The following NTM variants were observed in gnomAD, a reference collection of about 807,000 sequenced individuals.
The protein encoded by NTM is neurotrimin.
In NTM, 13 loss-of-function variants were observed where a neutral mutation model predicts 42.1. The ratio of observed to expected loss-of-function variants is 0.31; its 90% CI spans 0.20 to 0.49. The LOEUF is 0.49. Among genes scored for constraint, NTM ranks in the 20% least tolerant of loss-of-function variants. NTM has a pLI of 0.99. For synonymous variants in NTM, 187 were observed against 179.2 expected (o/e 1.04, Z -0.35); for missense variants, 373 against 452.8 (o/e 0.82, Z 1.60).
Position 132,321,553 on chromosome 11 carries a change from T to A in NTM, c.934+6850T>A, listed in dbSNP as rs551939403. ...TGAAAAGACCAAATCTACCTCTGAT[T>A]GGTGTACCTGAAAGTGATGGGAAGA... On this transcript the variant is annotated intron_variant, in intron 7 of 8. Coordinates refer to ENST00000683400, the MANE Select transcript of NTM (RefSeq NM_001352005.2). 9.2e-5 allele frequency among the ~76,000 whole-genome samples: 14 copies of A among 152,340 alleles called. No individual in the cohort carries two copies. The South Asian group carries it at 2.9e-3, about 32-fold the overall frequency.
intron 4 of NTM, among the ~76,000 whole-genome samples, chr11:132,280,738 G>A (rs753740447): frequency 1.3e-4 from 20 of 151,950 alleles, no homozygotes; most frequent in Non-Finnish European, 2.5e-4. Flanking sequence ...TGCCCACCTC[G>A]GCCTCCCAAA....
chr11:132,234,752 G>A (rs2088424398), intron 4 of NTM, among the ~76,000 whole-genome samples: 1 of 152,156 alleles, frequency 6.6e-6, no homozygotes, highest in Admixed American at 6.5e-5. Flanking sequence ...ACTTTCAAAA[G>A]TGAATCTCAA....
chr11:132,134,372 T>C (rs1484914735), intron 2 of NTM, among the ~76,000 whole-genome samples: 1 of 152,040 alleles, frequency 6.6e-6, no homozygotes. Flanking sequence ...AGATGGCATT[T>C]GGTTACGTGA....
At chr11:131,569,227 CT>C (rs2057208167) in intron 1 of NTM, among the ~76,000 whole-genome samples, 1 of 151,802 alleles carries the variant, frequency 6.6e-6, no homozygotes, top group African/African-American at 2.4e-5. Flanking sequence ...TCACTGCAAC[CT>C]CTGACTCCCG....
intron 4 of NTM, among the ~76,000 whole-genome samples, chr11:132,231,082 G>A (rs765023631): frequency 3.3e-5 from 5 of 152,198 alleles, no homozygotes; most frequent in Non-Finnish European, 7.3e-5. Flanking sequence ...CACAGAGTGA[G>A]CATTAGAATT....
At chr11:131,833,913 T>C (rs2043147832) in intron 1 of NTM, among the ~76,000 whole-genome samples, 1 of 152,236 alleles carries the variant, frequency 6.6e-6, no homozygotes, top group Non-Finnish European at 1.5e-5. Context: ...GAAGTCTTTT[T>C]TCTTAGAAGT....
intron 1 of NTM, among the ~76,000 whole-genome samples, chr11:131,655,272 G>A (rs1162823728): frequency 6.6e-6 from 1 of 152,204 alleles, no homozygotes; most frequent in Non-Finnish European, 1.5e-5. Flanking sequence ...TGAGAGCTTA[G>A]CTGTTAAGAA....
intron 1 of NTM, among the ~76,000 whole-genome samples, chr11:131,590,388 G>T (rs1337527716): frequency 6.6e-6 from 1 of 152,182 alleles, no homozygotes; most frequent in Non-Finnish European, 1.5e-5. Flanking sequence ...GATACCAGAG[G>T]AGAAGAACCA....
At chr11:131,963,796 G>A (rs538659999) in intron 2 of NTM, among the ~76,000 whole-genome samples, 1 of 152,296 alleles carries the variant, frequency 6.6e-6, no homozygotes, top group Non-Finnish European at 1.5e-5. Flanking sequence ...GGCCTTTTCT[G>A]AGTAATTTAT....
At chr11:132,222,579 C>A (rs989840113) in intron 4 of NTM, among the ~76,000 whole-genome samples, 13 of 152,194 alleles carry the variant, frequency 8.5e-5, no homozygotes, top group African/African-American at 3.1e-4. Context: ...AGCAGAGCAT[C>A]ATTTCAGTTC....
At chr11:131,443,956 C>T (rs532956850) in intron 1 of NTM, among the ~76,000 whole-genome samples, 1 of 152,262 alleles carries the variant, frequency 6.6e-6, no homozygotes, top group Non-Finnish European at 1.5e-5. Flanking sequence ...GCTGCAACCT[C>T]ATAAGAGATC....
intron 3 of NTM, among the ~76,000 whole-genome samples, chr11:132,189,603 A>G (rs1055547012): frequency 6.6e-6 from 1 of 152,036 alleles, no homozygotes; most frequent in Non-Finnish European, 1.5e-5. Context: ...ATTGTGCACC[A>G]GGAAATATAG....
At chr11:132,084,177 T>C (rs1169840283) in intron 2 of NTM, among the ~76,000 whole-genome samples, 1 of 152,098 alleles carries the variant, frequency 6.6e-6, no homozygotes, top group Non-Finnish European at 1.5e-5. Flanking sequence ...ATGTAGCTGA[T>C]TATAAACCAT....
rs894894128 is a variant in NTM, at chr11:131,409,465, T to C, written c.82+38577T>C. 2.6e-5 allele frequency among the ~76,000 whole-genome samples: 4 copies of C among 152,248 alleles called. No homozygotes were observed. The East Asian group carries it at 5.8e-4, about 22-fold the overall frequency. Reference sequence around the variant, plus strand: ...TAACTGGGACCGCCCTGCTGGGAACTTCAGGTGTCTCTGCCCCCGGGCAAG... The same window carrying C: ...TAACTGGGACCGCCCTGCTGGGAACCTCAGGTGTCTCTGCCCCCGGGCAAG... On this transcript the variant is annotated intron_variant, in intron 1 of 8. Transcript: ENST00000683400.
intron 4 of NTM, among the ~76,000 whole-genome samples, chr11:132,221,779 T>C (rs1460371934): frequency 6.6e-6 from 1 of 152,182 alleles, no homozygotes; most frequent in Non-Finnish European, 1.5e-5. Context: ...TAGGCATTAT[T>C]TTTATTTTAG....
chr11:132,136,051 G>C (rs1452799174), intron 2 of NTM, among the ~76,000 whole-genome samples: 6 of 152,160 alleles, frequency 3.9e-5, no homozygotes, highest in Admixed American at 3.9e-4. Flanking sequence ...TGTCTTTCCA[G>C]ACCCTGGGGA....
At chr11:132,236,022 A>AC (rs554424417) in intron 4 of NTM, among the ~76,000 whole-genome samples, 226 of 63,406 alleles carry the variant, frequency 3.6e-3, no homozygotes, top group East Asian at 5.4e-3. Context: ...ACACACACAC[A>AC]ACAAAATTGT....
intron 1 of NTM, among the ~76,000 whole-genome samples, chr11:131,796,779 A>G (rs972587415): frequency 6.6e-6 from 1 of 152,172 alleles, no homozygotes; most frequent in African/African-American, 2.4e-5. Context: ...TAGCACAGTA[A>G]CAGCAGTTCT....
Position 131,868,476 on chromosome 11 carries a change from G to T in NTM, c.83-43088G>T, listed in dbSNP as rs2047445211. ...TCCAGCCCAGCTCTGATTGTGTCGG[G>T]CTCTGTGCAGACCCTTCAGTGGGCC... On this transcript the variant is annotated intron_variant, in intron 1 of 8. Coordinates refer to ENST00000683400, the MANE Select transcript of NTM (RefSeq NM_001352005.2). 2.0e-5 allele frequency among the ~76,000 whole-genome samples: 3 copies of T among 152,152 alleles called. No homozygotes were observed. In the South Asian group the frequency reaches 6.2e-4, roughly 32 times the overall value.
Sources: allele counts gnomAD v4.1 joint callset (sites outside exome capture counted in the v4.1 genomes callset), GRCh38; gene constraint gnomAD v4.1.1; transcripts MANE v1.5; gene names NCBI Gene and HGNC (gene_info 2026-07-23, HGNC 2026-07-21).